ESRRG: variants seen among roughly 807,000 people sequenced by gnomAD.
The protein encoded by ESRRG is estrogen-related receptor gamma.
Under a neutral mutation model 44.0 loss-of-function variants are expected in ESRRG, and 13 were observed. That is an observed-to-expected ratio of 0.30 (90% CI 0.19 to 0.47). The LOEUF is 0.47. ESRRG is among the 20% of genes least tolerant of loss of function. ESRRG has a pLI of 1.00. For missense variants in ESRRG, 395 were observed against 580.6 expected, an observed-to-expected ratio of 0.68 and a Z score of 3.29; for synonymous variants, 215 against 214.6, an observed-to-expected ratio of 1.00 and a Z score of -0.02.
rs536303672 is a variant in ESRRG at position 216,778,282 on chromosome 1, T to A, written c.-13-100791A>T. Among the ~76,000 whole-genome samples, 18 of 152,102 alleles carry A rather than the reference T, an allele frequency of 1.2e-4. No individual in the cohort carries two copies. In the South Asian group the frequency reaches 3.3e-3, roughly 28 times the overall value. ...GGAGCTCCAAAGTTCAAATGCCTCTTCAGAGTTGTCCTTACTTGAGACAAG... is the reference window on the plus strand; with the variant it reads ...GGAGCTCCAAAGTTCAAATGCCTCTACAGAGTTGTCCTTACTTGAGACAAG... On this transcript the variant is annotated intron_variant, in intron 2 of 7. Coordinates refer to the ESRRG transcript ENST00000359162.
intron 1 of ESRRG, among the ~76,000 whole-genome samples, chr1:217,106,086 A>G (rs1417528310): frequency 6.6e-6 from 1 of 152,230 alleles, no homozygotes; most frequent in Non-Finnish European, 1.5e-5. Context: ...AATTGCCATA[A>G]ATAAAGAAGT....
At chr1:217,127,026 G>A (rs1206279367) in intron 1 of ESRRG, among the ~76,000 whole-genome samples, 2 of 152,098 alleles carry the variant, frequency 1.3e-5, no homozygotes, top group Non-Finnish European at 2.9e-5. Flanking sequence ...AAAAATCTCT[G>A]CCTAAAAGAT....
intron 1 of ESRRG, among the ~76,000 whole-genome samples, chr1:217,055,324 T>C (rs977565473): frequency 6.6e-6 from 1 of 151,972 alleles, no homozygotes; most frequent in Admixed American, 6.6e-5. Context: ...GGGGTTTCAT[T>C]AGGGAATTAT....
At chr1:216,515,430 C>G (rs2043959629) in intron 6 of ESRRG, among the ~76,000 whole-genome samples, 1 of 151,984 alleles carries the variant, frequency 6.6e-6, no homozygotes, top group African/African-American at 2.4e-5. Context: ...TCCAAATATC[C>G]TAATTAAATA....
intron 1 of ESRRG, among the ~76,000 whole-genome samples, chr1:216,950,400 A>G (rs2066760117): frequency 6.6e-6 from 1 of 152,202 alleles, no homozygotes; most frequent in Non-Finnish European, 1.5e-5. Context: ...TTCTGAAGGT[A>G]ACTTTTAAGA....
chr1:217,131,097 C>T (rs75750604), intron 1 of ESRRG, among the ~76,000 whole-genome samples: 2,357 of 152,236 alleles, frequency 0.015, 67 homozygotes, highest in African/African-American at 0.053. Flanking sequence ...GATTAGAGAA[C>T]ATAATTCTGA....
At chr1:217,072,701 G>T (rs536946715) in intron 1 of ESRRG, among the ~76,000 whole-genome samples, 4 of 134,974 alleles carry the variant, frequency 3.0e-5, no homozygotes, top group South Asian at 2.7e-4. Context: ...CTAAACTGGG[G>T]GTGTGTGTGT....
chr1:216,940,178 G>A (rs1227637854), intron 1 of ESRRG, among the ~76,000 whole-genome samples: 1 of 152,118 alleles, frequency 6.6e-6, no homozygotes, highest in Non-Finnish European at 1.5e-5. Flanking sequence ...GAGTAGAGAG[G>A]CTCAAGCTTT....
chr1:217,094,204 CA>C (rs2092392047), upstream of ESRRG, among the ~76,000 whole-genome samples: 1 of 152,158 alleles, frequency 6.6e-6, no homozygotes, highest in Non-Finnish European at 1.5e-5. Context: ...AAATTATCAA[CA>C]ACCATGTTTA....
rs1432152389 is a variant in ESRRG at position 216,913,036 on chromosome 1, T to C, written c.-14+26546A>G. On this transcript the variant is annotated intron_variant, in intron 2 of 7. Transcript: ENST00000359162. ...TACTCATGAGGCTAAGACAGGAAAATCACTTGAACCCCAGGGTGTGGAGGT... is the reference window on the plus strand; with the variant it reads ...TACTCATGAGGCTAAGACAGGAAAACCACTTGAACCCCAGGGTGTGGAGGT... Among the ~76,000 whole-genome samples, 4 of 137,674 alleles carry C rather than the reference T, an allele frequency of 2.9e-5. No individual in the cohort carries two copies. In the Admixed American group the frequency reaches 3.3e-4, roughly 11 times the overall value. 90.3% of individuals were successfully genotyped at this position (137,674 alleles called of 152,430 possible).
intron 5 of ESRRG, among the ~76,000 whole-genome samples, chr1:216,536,567 T>C (rs2051029309): frequency 6.6e-6 from 1 of 152,092 alleles, no homozygotes; most frequent in African/African-American, 2.4e-5. Context: ...CTTCTAGATC[T>C]GTATTAATCA....
At chr1:216,879,314 TC>T (rs1344207513) in intron 2 of ESRRG, among the ~76,000 whole-genome samples, 1 of 152,064 alleles carries the variant, frequency 6.6e-6, no homozygotes, top group Non-Finnish European at 1.5e-5. Context: ...AGTGCTGACT[TC>T]CTGTCCACTG....
intron 2 of ESRRG, among the ~76,000 whole-genome samples, chr1:216,758,217 T>A (rs1255107672): frequency 6.6e-6 from 1 of 152,064 alleles, no homozygotes; most frequent in East Asian, 1.9e-4. Flanking sequence ...ATGAAGCACT[T>A]ATGAGTTTTC....
chr1:216,580,862 C>G (rs1439034529), intron 3 of ESRRG, among the ~76,000 whole-genome samples: 3 of 152,216 alleles, frequency 2.0e-5, no homozygotes, highest in East Asian at 1.9e-4. Context: ...AGAAGCCTTT[C>G]TGGCACAGGT....
At chr1:217,102,522 G>T (rs1214345335) in intron 1 of ESRRG, among the ~76,000 whole-genome samples, 1 of 152,240 alleles carries the variant, frequency 6.6e-6, no homozygotes, top group East Asian at 1.9e-4. Flanking sequence ...ATTGCGTACT[G>T]CCTGGGCTAA....
intron 2 of ESRRG, among the ~76,000 whole-genome samples, chr1:216,876,547 G>C (rs779853485): frequency 2.0e-5 from 3 of 148,720 alleles, no homozygotes; most frequent in Admixed American, 1.3e-4. Flanking sequence ...ACAACACAAA[G>C]GAAATCTACT....
chr1:217,094,130 C>T (rs2092391120), upstream of ESRRG, among the ~76,000 whole-genome samples: 1 of 152,130 alleles, frequency 6.6e-6, no homozygotes, highest in African/African-American at 2.4e-5. Context: ...GGCAATCCTC[C>T]TGTCTTCACC....
At chr1:216,990,621 C>T (rs1255482586) in intron 1 of ESRRG, among the ~76,000 whole-genome samples, 1 of 152,104 alleles carries the variant, frequency 6.6e-6, no homozygotes, top group East Asian at 1.9e-4. Context: ...GTGAAGATGA[C>T]AGGAGTCATG....
intron 2 of ESRRG, among the ~76,000 whole-genome samples, chr1:216,851,729 C>T (rs952889893): frequency 2.0e-5 from 3 of 152,330 alleles, no homozygotes; most frequent in African/African-American, 4.8e-5. Flanking sequence ...CGAACTAAGA[C>T]ACTACTGTTG....
Sources: gnomAD v4.1 joint callset for allele counts (sites outside exome capture counted in the v4.1 genomes callset) on GRCh38, gnomAD v4.1.1 for gene constraint, MANE v1.5 for transcripts, NCBI Gene and HGNC (gene_info 2026-07-23, HGNC 2026-07-21) for gene names.